SEC14L1: variants seen among roughly 807,000 people sequenced by gnomAD.
SEC14L1 encodes SEC14 like lipid binding 1, also known as SEC14-like protein 1.
SEC14L1 carries 48 observed loss-of-function variants against 85.3 expected under a neutral mutation model. The observed-to-expected ratio is 0.56, with a 90% CI of 0.45 to 0.72. The LOEUF (loss-of-function observed/expected upper bound fraction) is 0.72. Ranked by LOEUF, SEC14L1 falls within the 30% of genes least tolerant of loss-of-function variation. SEC14L1 has a pLI of 0.00. For synonymous variants in SEC14L1, 391 were observed against 355.5 expected (o/e 1.10, Z -1.12); for missense variants, 682 against 921.4 (o/e 0.74, Z 3.36).
intron 3 of SEC14L1, among the ~76,000 whole-genome samples, chr17:77,147,138 G>A (rs1419875379): frequency 2.0e-5 from 3 of 152,208 alleles, no homozygotes; most frequent in African/African-American, 7.2e-5. Context: ...GAGGTGGGTC[G>A]AGTCCTGGTT....
chr17:77,147,535 C>G (rs1179371179), intron 3 of SEC14L1, among the ~76,000 whole-genome samples: 1 of 152,130 alleles, frequency 6.6e-6, no homozygotes, highest in Non-Finnish European at 1.5e-5. Context: ...GAGCAATCAC[C>G]TAGCTCAACC....
chr17:77,134,292 G>C lies in SEC14L1; in HGVS notation c.-135-8354G>C, dbSNP rs535911384. On this transcript the variant is annotated intron_variant, in intron 3 of 19. Transcript: ENST00000392476. ...GGAGACATGGTCTCTCTCTGGCACC[G>C]AGGCTGTAGTGCAGTGCTGCAATCA... 2.7e-5 allele frequency among the ~76,000 whole-genome samples: 4 copies of C among 149,194 alleles called. No individual in the cohort carries two copies. In the South Asian group the frequency reaches 8.4e-4, roughly 31 times the overall value.
At chr17:77,170,235 T>A (rs1974466201) in intron 3 of SEC14L1, among the ~76,000 whole-genome samples, 1 of 152,168 alleles carries the variant, frequency 6.6e-6, no homozygotes, top group Admixed American at 6.5e-5. Context: ...ACTTTCTTTT[T>A]TAACGTGACT....
intron 3 of SEC14L1, among the ~76,000 whole-genome samples, chr17:77,175,217 T>C (rs1974697401): frequency 6.6e-6 from 1 of 152,162 alleles, no homozygotes; most frequent in Admixed American, 6.5e-5. Flanking sequence ...GGCGCTAGTA[T>C]TGTTGCAGGA....
chr17:77,211,730 C>G (rs1976760811), intron 14 of SEC14L1: 1 of 598,450 alleles, frequency 1.7e-6, no homozygotes, highest in African/African-American at 1.9e-5. Context: ...GTGCAGGTCA[C>G]AAAGAACACA....
At chr17:77,174,650 A>G (rs1194894140) in intron 3 of SEC14L1, among the ~76,000 whole-genome samples, 1 of 152,122 alleles carries the variant, frequency 6.6e-6, no homozygotes, top group East Asian at 1.9e-4. Flanking sequence ...AGGCCACCAC[A>G]ACGAGGCAGT....
chr17:77,213,319 C>T lies in SEC14L1; in HGVS notation c.1869C>T (p.Ser623=). Residue 623 remains serine (S), a synonymous_variant, in exon 16 of 17, where the codon TCC becomes TCT. Coordinates refer to ENST00000436233, the MANE Select transcript of SEC14L1 (RefSeq NM_001143998.2). This position sits in a 1 kb window ranked among gnomAD's most constrained non-coding sequence, Gnocchi z 7.1. Reference sequence around the variant, plus strand: ...CACTGCCCTACTTGTTCTAGGGTTCCCATGTGACCAGGTGGCCGGGCTTCT... The same window carrying T: ...CACTGCCCTACTTGTTCTAGGGTTCTCATGTGACCAGGTGGCCGGGCTTCT... ...ICKEGESVQG[S]HVTRWPGFYI... The T allele has an allele frequency of 1.2e-6, 2 of 1,607,664 alleles. No homozygotes were observed. The highest frequency in any genetic ancestry group is 8.5e-7 in the Non-Finnish European group (1 of 1,176,968).
At chr17:77,177,855 T>C (rs1201970814) in intron 3 of SEC14L1, among the ~76,000 whole-genome samples, 1 of 152,178 alleles carries the variant, frequency 6.6e-6, no homozygotes, top group African/African-American at 2.4e-5. Flanking sequence ...TACCTAGTTC[T>C]TTTGTATGGA....
intron 14 of SEC14L1, chr17:77,210,896 TC>T (rs2143209016): frequency 6.6e-6 from 1 of 152,236 alleles, no homozygotes; most frequent in East Asian, 1.9e-4. Context: ...AAAGCACAGA[TC>T]CGAGATGGCA....
At chr17:77,189,892 T>C (rs1020721841) in intron 3 of SEC14L1, among the ~76,000 whole-genome samples, 1 of 152,128 alleles carries the variant, frequency 6.6e-6, no homozygotes, top group Non-Finnish European at 1.5e-5. Context: ...ACTCCCAAAG[T>C]GCTGAGATTA....
chr17:77,140,785 A>G (rs1264392634), upstream of SEC14L1: 1 of 151,616 alleles, frequency 6.6e-6, no homozygotes, highest in Non-Finnish European at 1.5e-5. Context: ...CGCGGGTCGG[A>G]GCTCGCGCCT....
chr17:77,214,731 T>G lies in SEC14L1; in HGVS notation c.*708T>G. 1 of 985,496 alleles carries G rather than the reference T, an allele frequency of 1.0e-6. No individual in the cohort carries two copies. Among genetic ancestry groups the G allele is most frequent in the Non-Finnish European group, 1.2e-6 (1 of 829,978 alleles). The allele number at this position is 985,496 out of a possible 1,614,324, so 61.0% of individuals were successfully genotyped here. A position where few individuals can be genotyped will look rare whatever the true frequency, so the allele number is the denominator to read the frequency against. ...TCTCTTTCCTCCTTTTCAAATCTTT[T>G]TGATACTTTTTAGAGCAGGATTTTT... On this transcript the variant is annotated 3_prime_UTR_variant, in exon 17 of 17. Transcript: ENST00000436233.
At chr17:77,159,851 A>G (rs1973985184) in intron 3 of SEC14L1, among the ~76,000 whole-genome samples, 1 of 150,610 alleles carries the variant, frequency 6.6e-6, no homozygotes, top group Non-Finnish European at 1.5e-5. Context: ...CTGGTGTGGA[A>G]TGATGAGCTG....
intron 3 of SEC14L1, among the ~76,000 whole-genome samples, chr17:77,171,424 G>T (rs528987430): frequency 2.0e-5 from 3 of 152,306 alleles, no homozygotes; most frequent in Admixed American, 2.0e-4. Context: ...ATGGGTTCCC[G>T]TTGGGGAAGA....
At chr17:77,187,299 C>T (rs559258173) in intron 3 of SEC14L1, among the ~76,000 whole-genome samples, 14 of 152,136 alleles carry the variant, frequency 9.2e-5, no homozygotes, top group Non-Finnish European at 1.6e-4. Flanking sequence ...ATAATGGGGC[C>T]GACCACAGGG....
chr17:77,102,489 C>A (rs1464574253), intron 3 of SEC14L1, among the ~76,000 whole-genome samples: 2 of 151,920 alleles, frequency 1.3e-5, no homozygotes, highest in African/African-American at 2.4e-5. Context: ...CCCTTGTTTT[C>A]TTTCTCTTCT....
At chr17:77,089,553 C>A in intron 2 of SEC14L1, 1 of 475,988 alleles carries the variant, frequency 2.1e-6, no homozygotes, top group East Asian at 5.9e-5. Flanking sequence ...TTCAAAACTT[C>A]ATAAACAATG....
chr17:77,094,956 A>G (rs1246880724), intron 3 of SEC14L1: 1 of 152,172 alleles, frequency 6.6e-6, no homozygotes, highest in African/African-American at 2.4e-5. Flanking sequence ...GTGTATATTG[A>G]CATTTCTGGA....
At chr17:77,212,354 A>T (rs971820671) in intron 15 of SEC14L1, among the ~76,000 whole-genome samples, 153 bp downstream of exon 15, 3 of 152,200 alleles carry the variant, frequency 2.0e-5, no homozygotes, top group Non-Finnish European at 4.4e-5. Flanking sequence ...AGGAGCAGGA[A>T]GCCAAGTGGG....
Sources: allele counts gnomAD v4.1 joint callset (sites outside exome capture counted in the v4.1 genomes callset), GRCh38; gene constraint gnomAD v4.1.1; non-coding constraint Gnocchi (gnomAD v3.1); transcripts MANE v1.5; gene names NCBI Gene and HGNC (gene_info 2026-07-23, HGNC 2026-07-21).